EML6: variants seen among roughly 807,000 people sequenced by gnomAD.
The protein encoded by EML6 is echinoderm microtubule-associated protein-like 6.
EML6 carries 154 observed loss-of-function variants against 240.1 expected under a neutral mutation model. The observed-to-expected ratio is 0.64, with a 90% CI of 0.56 to 0.73. The LOEUF (loss-of-function observed/expected upper bound fraction) is 0.73. Ranked by LOEUF, EML6 falls within the 30% of genes least tolerant of loss-of-function variation. The pLI is 0.00. For synonymous variants in EML6, 1,148 were observed against 899.0 expected, an observed-to-expected ratio of 1.28 and a Z score of -4.95; for missense variants, 2,964 against 2,474.6, an observed-to-expected ratio of 1.20 and a Z score of -4.20.
rs528350748 is a variant in EML6 at position 54,780,372 on chromosome 2, G to A, written c.198-32860G>A. Among the ~76,000 whole-genome samples, 20 of 152,314 alleles carry A rather than the reference G, an allele frequency of 1.3e-4. No individual in the cohort carries two copies. In the South Asian group the frequency reaches 4.1e-3, roughly 32 times the overall value. ...GCTTTTAGAATGCATTGGCAAAAAT[G>A]ACGTTTGTAGCTTTAGACTTGCATA... On this transcript the variant is annotated intron_variant, in intron 2 of 41. Coordinates refer to ENST00000356458, the MANE Select transcript of EML6 (RefSeq NM_001039753.4).
At chr2:54,828,435 G>A (rs1040715263) in intron 6 of EML6, among the ~76,000 whole-genome samples, 1 of 152,144 alleles carries the variant, frequency 6.6e-6, no homozygotes, top group Non-Finnish European at 1.5e-5. Context: ...TGATGTAAAA[G>A]GCAAAGCCTA....
At chr2:54,948,448 C>G (rs1371042906) in intron 28 of EML6, among the ~76,000 whole-genome samples, 3 of 152,200 alleles carry the variant, frequency 2.0e-5, no homozygotes, top group Non-Finnish European at 4.4e-5. Flanking sequence ...ACACCATGGC[C>G]ATCGACAACT....
intron 2 of EML6, among the ~76,000 whole-genome samples, chr2:54,754,178 C>T (rs55731249): frequency 0.4 from 60,710 of 150,936 alleles, 12,312 homozygotes; most frequent in Middle Eastern, 0.48. Context: ...AATCTTGCTA[C>T]GTTACCCAAG....
At chr2:54,894,798 A>G (rs373841665) in intron 19 of EML6, 117 bp from the exon 20 acceptor site, 1 of 628,160 alleles carries the variant, frequency 1.6e-6, no homozygotes, top group Non-Finnish European at 2.8e-6. Context: ...TCCATCTCAT[A>G]TATTTAGGAA....
chr2:54,944,129 T>G (rs1675564408), intron 28 of EML6, among the ~76,000 whole-genome samples: 1 of 152,088 alleles, frequency 6.6e-6, no homozygotes, highest in Non-Finnish European at 1.5e-5. Flanking sequence ...CTCTCTTAAT[T>G]AATCTTTTAT....
At chr2:54,787,305 T>A (rs1467026188) in intron 2 of EML6, among the ~76,000 whole-genome samples, 2 of 137,584 alleles carry the variant, frequency 1.5e-5, no homozygotes, top group South Asian at 2.3e-4. Flanking sequence ...TGGGGGGGGG[T>A]CTTTGTGTGA....
chr2:54,844,249 G>A lies in EML6; in HGVS notation c.1049+1G>A. The stretch of plus-strand genomic sequence containing the variant: ...CAGGCAGCGATGACCGCTCTGTCAG[G>A]TGAGGCCCTACCGCCGTCACCTCTC... On this transcript the variant is annotated splice_donor_variant, in intron 8 of 41. Coordinates refer to ENST00000356458, the MANE Select transcript of EML6 (RefSeq NM_001039753.4). LOFTEE classifies it high-confidence loss of function. The A allele has an allele frequency of 6.4e-7, 1 of 1,551,128 alleles. No individual in the cohort carries two copies. The highest frequency in any genetic ancestry group is 8.7e-7 in the Non-Finnish European group (1 of 1,146,490).
chr2:54,807,588 G>A (rs1670565775), intron 2 of EML6, among the ~76,000 whole-genome samples: 1 of 152,164 alleles, frequency 6.6e-6, no homozygotes, highest in African/African-American at 2.4e-5. Context: ...ATTGAAAATG[G>A]AGTTGGGAAG....
chr2:54,907,999 AGAT>A (rs1490746385), intron 24 of EML6, among the ~76,000 whole-genome samples: 2 of 149,774 alleles, frequency 1.3e-5, no homozygotes, highest in Admixed American at 6.7e-5. Flanking sequence ...ATAGATAGAT[AGAT>A]ATCACAGCAG....
chr2:54,871,751 C>T (rs1349130322), intron 16 of EML6, 146 bp downstream of exon 16: 3 of 659,888 alleles, frequency 4.5e-6, no homozygotes, highest in Non-Finnish European at 5.5e-6. Flanking sequence ...AGTACAAGCT[C>T]TTTGTATGCC....
intron 32 of EML6, among the ~76,000 whole-genome samples, chr2:54,956,774 G>T (rs1307454747): frequency 6.6e-6 from 1 of 151,812 alleles, no homozygotes; most frequent in Non-Finnish European, 1.5e-5. Flanking sequence ...GAACGAAGAA[G>T]AAAAAAATAG....
chr2:54,953,922 G>A (rs1676107310), intron 31 of EML6, 61 bp from the exon 32 acceptor site: 10 of 1,180,062 alleles, frequency 8.5e-6, no homozygotes, highest in South Asian at 4.8e-5. Flanking sequence ...ATGAACATAA[G>A]CATCGCCTTG....
chr2:54,741,152 C>G (rs981621603), intron 2 of EML6, among the ~76,000 whole-genome samples: 4 of 152,180 alleles, frequency 2.6e-5, no homozygotes, highest in East Asian at 1.9e-4. Flanking sequence ...TTCTTATTGT[C>G]CAGAGAGCCC....
chr2:54,785,401 C>T (rs1005585981), intron 2 of EML6, among the ~76,000 whole-genome samples: 4 of 152,046 alleles, frequency 2.6e-5, no homozygotes, highest in East Asian at 1.9e-4. Flanking sequence ...TCTTGAACTC[C>T]GGACCTCAAG....
At chr2:54,751,023 A>C (rs1684140407) in intron 2 of EML6, among the ~76,000 whole-genome samples, 1 of 152,186 alleles carries the variant, frequency 6.6e-6, no homozygotes, top group African/African-American at 2.4e-5. Context: ...AGTTACAAGA[A>C]AGCCTGGAAA....
At chr2:54,917,006 A>C in intron 26 of EML6, 71 bp downstream of exon 26, 1 of 1,213,498 alleles carries the variant, frequency 8.2e-7, no homozygotes, top group Non-Finnish European at 1.1e-6. Context: ...ATCTAAGTGC[A>C]TTTTTAAAAA....
chr2:54,967,137 G>T (rs573374915), intron 39 of EML6, 34 bp downstream of exon 39: 2 of 1,397,036 alleles, frequency 1.4e-6, no homozygotes, highest in Non-Finnish European at 2.0e-6. Context: ...TGAGGAAAAG[G>T]TCACAAGGGA....
At chr2:54,807,914 A>G (rs1670582593) in intron 2 of EML6, among the ~76,000 whole-genome samples, 1 of 152,166 alleles carries the variant, frequency 6.6e-6, no homozygotes, top group Non-Finnish European at 1.5e-5. Flanking sequence ...GTATTGCTGG[A>G]ATATAGTTTC....
At chr2:54,929,902 T>G (rs1558697557) in intron 28 of EML6, among the ~76,000 whole-genome samples, 1 of 152,182 alleles carries the variant, frequency 6.6e-6, no homozygotes, top group Non-Finnish European at 1.5e-5. Context: ...TCTGCAGTGG[T>G]CTTCAGAGTT....
Sources: gnomAD v4.1 joint callset for allele counts (sites outside exome capture counted in the v4.1 genomes callset) on GRCh38, gnomAD v4.1.1 for gene constraint, MANE v1.5 for transcripts, NCBI Gene and HGNC (gene_info 2026-07-23, HGNC 2026-07-21) for gene names.